Variants in UBE2R2 observed in about 807,000 individuals in gnomAD.
UBE2R2 encodes ubiquitin conjugating enzyme E2 R2, also known as ubiquitin-conjugating enzyme E2 R2.
A neutral mutation model predicts 27.8 loss-of-function variants in UBE2R2; 1 was observed. That is an observed-to-expected ratio of 0.04 (90% CI 0.01 to 0.17). The LOEUF (loss-of-function observed/expected upper bound fraction) is 0.17, where lower values mean the gene tolerates loss of function less well. Ranked by LOEUF, UBE2R2 falls within the 10% of genes least tolerant of loss-of-function variation. The pLI is 1.00. For synonymous variants in UBE2R2, 106 were observed against 113.3 expected (o/e 0.94, Z 0.41); for missense variants, 100 against 291.0 (o/e 0.34, Z 4.78).
intron 1 of UBE2R2, among the ~76,000 whole-genome samples, chr9:33,821,396 G>C (rs933762812): frequency 6.6e-6 from 1 of 152,000 alleles, no homozygotes; most frequent in Non-Finnish European, 1.5e-5. Flanking sequence ...GGGTTCAAAG[G>C]ATCCTCCTTT....
intron 1 of UBE2R2, among the ~76,000 whole-genome samples, chr9:33,825,301 G>C (rs1041904350): frequency 6.7e-6 from 1 of 149,380 alleles, no homozygotes; most frequent in Non-Finnish European, 1.5e-5. Flanking sequence ...GAGTGCAGTG[G>C]TACAATCTTG....
rs184012688 is a variant in UBE2R2, at chr9:33,864,128, G to A, written c.178-22753G>A. Among the ~76,000 whole-genome samples the A allele has an allele frequency of 8.5e-5, 13 of 152,130 alleles. No individual in the cohort carries two copies. The East Asian group carries it at 2.3e-3, about 27-fold the overall frequency. On this transcript the variant is annotated intron_variant, in intron 1 of 4. Coordinates refer to ENST00000263228, the MANE Select transcript of UBE2R2 (RefSeq NM_017811.4). The stretch of plus-strand genomic sequence containing the variant: ...AGGTAGGAGCCACCATGTCTGGCCT[G>A]ATTACTAATTTTATCTGCTGATGTT...
intron 1 of UBE2R2, among the ~76,000 whole-genome samples, chr9:33,843,302 G>C (rs1199180121): frequency 1.3e-5 from 2 of 151,236 alleles, no homozygotes; most frequent in Non-Finnish European, 2.9e-5. Context: ...GCCCACCTTG[G>C]GCTTGCAAAG....
intron 1 of UBE2R2, among the ~76,000 whole-genome samples, chr9:33,818,338 C>T (rs1280301322): frequency 1.5e-5 from 2 of 135,616 alleles, no homozygotes; most frequent in Admixed American, 8.7e-5. Context: ...GGGTGACCTG[C>T]ACCGACTGGA....
intron 1 of UBE2R2, among the ~76,000 whole-genome samples, chr9:33,844,515 ATTTT>A (rs34578523): frequency 1.1e-4 from 12 of 110,136 alleles, no homozygotes; most frequent in Non-Finnish European, 8.8e-5. Flanking sequence ...TCCCACATCT[ATTTT>A]TTTTTTTTTT....
At chr9:33,861,752 A>G (rs1331945232) in intron 1 of UBE2R2, among the ~76,000 whole-genome samples, 1 of 152,144 alleles carries the variant, frequency 6.6e-6, no homozygotes, top group Non-Finnish European at 1.5e-5. Context: ...TTGATGGAGT[A>G]AAATATGGAT....
At chr9:33,847,943 C>T (rs909626288) in intron 1 of UBE2R2, among the ~76,000 whole-genome samples, 1 of 151,638 alleles carries the variant, frequency 6.6e-6, no homozygotes, top group Non-Finnish European at 1.5e-5. Flanking sequence ...TTAGTAGAGA[C>T]AGGGTTTCAC....
upstream of UBE2R2, among the ~76,000 whole-genome samples, chr9:33,816,094 A>C (rs901080988): frequency 6.6e-6 from 1 of 152,178 alleles, no homozygotes; most frequent in African/African-American, 2.4e-5. Flanking sequence ...AAACCAAAAA[A>C]CAAAAAACTG....
chr9:33,871,948 G>A (rs748122380), intron 1 of UBE2R2, among the ~76,000 whole-genome samples: 14 of 151,954 alleles, frequency 9.2e-5, no homozygotes, highest in Admixed American at 2.0e-4. Flanking sequence ...TCCTGACCTC[G>A]TGATCCGCCT....
chr9:33,827,752 C>T (rs909928982), intron 1 of UBE2R2, among the ~76,000 whole-genome samples: 19 of 152,060 alleles, frequency 1.2e-4, no homozygotes, highest in Non-Finnish European at 7.4e-5. Flanking sequence ...GGGCAGATTA[C>T]GTGAGATCAG....
At chr9:33,908,161 T>C (rs1310587873) in intron 3 of UBE2R2, among the ~76,000 whole-genome samples, 2 of 152,222 alleles carry the variant, frequency 1.3e-5, no homozygotes, top group African/African-American at 4.8e-5. Flanking sequence ...ATTTTGTGTA[T>C]TCCAACAGTA....
intron 1 of UBE2R2, among the ~76,000 whole-genome samples, chr9:33,838,526 G>A (rs1425472368): frequency 1.3e-5 from 2 of 151,694 alleles, no homozygotes; most frequent in African/African-American, 4.8e-5. Flanking sequence ...TTTAAATTGA[G>A]GTGTATGTAC....
Position 33,817,635 on chromosome 9 carries a change from T to G in UBE2R2, c.-123T>G. ...GGCCTGGTCTGGCCCGCCGGGTGTG[T>G]GAAGACCGGGGCCCGGTGCTGCCCG... is the stretch of plus-strand genomic sequence containing the variant. On this transcript the variant is annotated 5_prime_UTR_variant, in exon 1 of 5. Transcript: ENST00000263228. 9.0e-7 allele frequency: 1 copy of G among 1,105,302 alleles called. No individual in the cohort carries two copies. Among genetic ancestry groups the G allele is most frequent in the Non-Finnish European group, 1.1e-6 (1 of 906,660 alleles). 68.5% of individuals were successfully genotyped at this position (1,105,302 alleles called of 1,614,324 possible). A position where few individuals can be genotyped will look rare whatever the true frequency, so the allele number is the denominator to read the frequency against.
intron 1 of UBE2R2, among the ~76,000 whole-genome samples, chr9:33,835,497 A>G (rs1311701257): frequency 6.6e-6 from 1 of 152,048 alleles, no homozygotes; most frequent in East Asian, 1.9e-4. Flanking sequence ...CTTCATTTCT[A>G]TTGCTGGACA....
intron 1 of UBE2R2, chr9:33,818,748 A>G (rs1169701134): frequency 6.6e-6 from 1 of 152,122 alleles, no homozygotes. Context: ...GGAGACTGAT[A>G]GCTTCCTACT....
chr9:33,869,623 A>G lies in UBE2R2; in HGVS notation c.178-17258A>G, dbSNP rs748705640. Among the ~76,000 whole-genome samples the G allele has an allele frequency of 2.2e-4, 33 of 151,436 alleles. 1 individual carries two copies. The highest frequency in any genetic ancestry group is 3.7e-4 in the Non-Finnish European group (25 of 67,922). On this transcript the variant is annotated intron_variant, in intron 1 of 4. Transcript: ENST00000263228. The stretch of plus-strand genomic sequence containing the variant: ...CACCACCACACCCGGCTAATTTTGT[A>G]TATTTAGTAGAGACGGGGTTTTCAC...
intron 1 of UBE2R2, among the ~76,000 whole-genome samples, chr9:33,850,435 T>C (rs1820940771): frequency 6.6e-6 from 1 of 152,124 alleles, no homozygotes; most frequent in Non-Finnish European, 1.5e-5. Flanking sequence ...TAACCATTCT[T>C]CATTCCATGA....
intron 1 of UBE2R2, among the ~76,000 whole-genome samples, chr9:33,840,636 C>T (rs759612427): frequency 2.6e-5 from 4 of 151,914 alleles, no homozygotes; most frequent in Admixed American, 2.0e-4. Context: ...CTGGTTTTCT[C>T]TTTTTTTTAA....
intron 1 of UBE2R2, among the ~76,000 whole-genome samples, chr9:33,842,770 C>G (rs1299789713): frequency 6.6e-6 from 1 of 151,534 alleles, no homozygotes; most frequent in African/African-American, 2.4e-5. Context: ...TTAAAGAGTA[C>G]GTGGAAGCGC....
Sources: gnomAD v4.1 joint callset for allele counts (sites outside exome capture counted in the v4.1 genomes callset) on GRCh38, gnomAD v4.1.1 for gene constraint, MANE v1.5 for transcripts, NCBI Gene and HGNC (gene_info 2026-07-23, HGNC 2026-07-21) for gene names.